Variants in TMC1 observed in about 807,000 individuals in gnomAD.
TMC1 encodes transmembrane channel-like protein 1.
A neutral mutation model predicts 105.8 loss-of-function variants in TMC1; 84 were observed. That is an observed-to-expected ratio of 0.79 (90% CI 0.67 to 0.95). The LOEUF (loss-of-function observed/expected upper bound fraction) is 0.95. Ranked by LOEUF, TMC1 falls within the 40% of genes least tolerant of loss-of-function variation. The pLI, the probability that TMC1 is intolerant of heterozygous loss-of-function variation, is 0.00. For missense variants in TMC1, 817 were observed against 914.1 expected (o/e 0.89, Z 1.37); for synonymous variants, 315 against 311.5 (o/e 1.01, Z -0.12).
At chr9:72,722,839 C>T (rs1827051913) in intron 8 of TMC1, among the ~76,000 whole-genome samples, 1 of 152,132 alleles carries the variant, frequency 6.6e-6, no homozygotes, top group Admixed American at 6.5e-5. Context: ...GGTGTAAATA[C>T]TTCCACTATA....
In TMC1 at chr9:72,821,502, C is replaced by CAAAAA. The variant is rs35069464; in HGVS notation, c.2003+432_2003+436dup. Among the ~76,000 whole-genome samples the CAAAAA allele has an allele frequency of 1.2e-3, 131 of 105,498 alleles. 1 individual carries two copies. The highest frequency in any genetic ancestry group is 3.6e-3 in the African/African-American group (104 of 28,530). 69.2% of individuals were successfully genotyped at this position (105,498 alleles called of 152,430 possible). ...GGAGGACAAGAGCAAAACTCTGTCTCAAAAAAAAAAAAAAAGAAAGAAATG... is the reference window on the plus strand; with the variant it reads ...GGAGGACAAGAGCAAAACTCTGTCTCAAAAAAAAAAAAAAAAAAAAGAAAGAAATG... On this transcript the variant is annotated intron_variant, in intron 20 of 23. Transcript: ENST00000297784.
intron 1 of TMC1, among the ~76,000 whole-genome samples, chr9:72,526,232 TTAAAA>T (rs1163768534): frequency 6.7e-6 from 1 of 148,922 alleles, no homozygotes; most frequent in Non-Finnish European, 1.5e-5. Flanking sequence ...ACTTTAGCAC[TTAAAA>T]TAACATACTC....
chr9:72,571,656 C>G (rs1429409028), intron 1 of TMC1, among the ~76,000 whole-genome samples: 2 of 151,834 alleles, frequency 1.3e-5, no homozygotes, highest in East Asian at 3.9e-4. Context: ...CCATGTTGGC[C>G]AGGCTGGTCT....
At chr9:72,623,509 C>G (rs991275580) in intron 3 of TMC1, among the ~76,000 whole-genome samples, 2 of 152,094 alleles carry the variant, frequency 1.3e-5, no homozygotes, top group Admixed American at 6.6e-5. Flanking sequence ...AAATGTCACT[C>G]TACTCCAAGA....
chr9:72,590,263 G>A (rs1439572261), intron 2 of TMC1, among the ~76,000 whole-genome samples: 2 of 152,136 alleles, frequency 1.3e-5, no homozygotes, highest in African/African-American at 2.4e-5. Flanking sequence ...TTTATACTCT[G>A]ACAGCCATAA....
chr9:72,641,726 A>T lies in TMC1; in HGVS notation c.-52-6871A>T, dbSNP rs143036601. 3.0e-3 allele frequency among the ~76,000 whole-genome samples: 451 copies of T among 151,958 alleles called. 3 individuals are homozygous for T. Among genetic ancestry groups the T allele is most frequent in the African/African-American group, 0.01 (431 of 41,442 alleles). On this transcript the variant is annotated intron_variant, in intron 4 of 23. Transcript: ENST00000297784. ...TCCTTCGTTTTCTTTCCAGACAACA[A>T]TTATGGACAACTTATTATTAATATA... is the stretch of plus-strand genomic sequence containing the variant.
Position 72,751,876 on chromosome 9 carries a change from T to C in TMC1, c.562T>C (p.Tyr188His). 1 of 1,613,364 alleles carries C rather than the reference T, an allele frequency of 6.2e-7. No homozygotes were observed. Among genetic ancestry groups the C allele is most frequent in the Middle Eastern group, 1.7e-4 (1 of 6,056 alleles). Reference sequence around the variant, plus strand: ...TCAGTTTGGCTCCTCAGTGGCCTCATACTTCCTCTTCTTGAGATGGATGTA... The same window carrying C: ...TCAGTTTGGCTCCTCAGTGGCCTCACACTTCCTCTTCTTGAGATGGATGTA... ...ESQFGSSVAS[Y>H]FLFLRWMYGV... is the part of the protein sequence containing the mutation. The change falls in exon 11 of 24, where the codon TAC (tyrosine) becomes CAC (histidine). Residue 188 changes from tyrosine (Y) to histidine (H), a missense_variant. Physicochemically the swap from Tyr to His is moderately conservative, Grantham distance 83. Transcript: ENST00000297784.
At chr9:72,533,297 G>A (rs1201260968) in intron 1 of TMC1, among the ~76,000 whole-genome samples, 2 of 152,182 alleles carry the variant, frequency 1.3e-5, no homozygotes, top group Admixed American at 1.3e-4. Context: ...TGCGATCCCT[G>A]GCTCTAGAAG....
At chr9:72,626,125 G>C (rs533062835) in intron 3 of TMC1, among the ~76,000 whole-genome samples, 1 of 152,270 alleles carries the variant, frequency 6.6e-6, no homozygotes, top group East Asian at 1.9e-4. Context: ...ACAGATGTTC[G>C]AATGAAGGAG....
At chr9:72,808,666 A>G (rs1244774521) in intron 18 of TMC1, among the ~76,000 whole-genome samples, 1 of 152,212 alleles carries the variant, frequency 6.6e-6, no homozygotes, top group African/African-American at 2.4e-5. Context: ...TCAAGGCAGC[A>G]CTGTCTATTG....
Position 72,686,329 on chromosome 9 carries a change from G to C in TMC1, c.17-2380G>C, listed in dbSNP as rs531223097. On this transcript the variant is annotated intron_variant, in intron 5 of 23. Transcript: ENST00000297784. ...AATAAGGTACTAGGGACTGCTGAGAGAAGGAATGGCAACATGCCATCTCAG... is the reference window on the plus strand; with the variant it reads ...AATAAGGTACTAGGGACTGCTGAGACAAGGAATGGCAACATGCCATCTCAG... 3.3e-5 allele frequency among the ~76,000 whole-genome samples: 5 copies of C among 152,320 alleles called. No homozygotes were observed. The East Asian group carries it at 7.7e-4, about 24-fold the overall frequency.
chr9:72,602,259 T>G (rs1824829012), intron 2 of TMC1, among the ~76,000 whole-genome samples: 1 of 152,010 alleles, frequency 6.6e-6, no homozygotes, highest in Non-Finnish European at 1.5e-5. Context: ...GCCTGAGACT[T>G]GAGAAAGTAA....
At chr9:72,733,497 T>G (rs1431878586) in intron 8 of TMC1, among the ~76,000 whole-genome samples, 1 of 152,168 alleles carries the variant, frequency 6.6e-6, no homozygotes, top group Non-Finnish European at 1.5e-5. Flanking sequence ...CTTAACTTTG[T>G]AGTTTGGAGA....
chr9:72,534,741 C>A (rs1284619808), intron 1 of TMC1, among the ~76,000 whole-genome samples: 1 of 151,998 alleles, frequency 6.6e-6, no homozygotes, highest in South Asian at 2.1e-4. Flanking sequence ...ACTGAAATCA[C>A]AAGATTATAA....
intron 5 of TMC1, among the ~76,000 whole-genome samples, chr9:72,661,387 ATCTAAACTGTT>A (rs1358493089): frequency 6.6e-6 from 1 of 152,208 alleles, no homozygotes; most frequent in Non-Finnish European, 1.5e-5. Flanking sequence ...TTAAGTCCAC[ATCTAAACTGTT>A]TGCCTGCATG....
intron 1 of TMC1, among the ~76,000 whole-genome samples, chr9:72,544,938 C>G (rs978262021): frequency 3.9e-5 from 6 of 151,900 alleles, no homozygotes; most frequent in Admixed American, 1.3e-4. Context: ...TCCTTCACCC[C>G]CCCAAGTCTT....
At chr9:72,812,202 G>C (rs1278498719) in intron 18 of TMC1, among the ~76,000 whole-genome samples, 4 of 152,184 alleles carry the variant, frequency 2.6e-5, no homozygotes, top group Admixed American at 2.6e-4. Flanking sequence ...GCTTAGGCAG[G>C]CTACCTGTGG....
intron 1 of TMC1, among the ~76,000 whole-genome samples, chr9:72,524,918 G>A (rs1175891180): frequency 1.3e-5 from 2 of 152,126 alleles, no homozygotes; most frequent in South Asian, 2.1e-4. Flanking sequence ...ACTAATTAGC[G>A]TCGTTACCGG....
intron 2 of TMC1, among the ~76,000 whole-genome samples, chr9:72,580,457 T>C (rs1038812299): frequency 1.3e-5 from 2 of 152,198 alleles, no homozygotes; most frequent in Admixed American, 1.3e-4. Flanking sequence ...CTTTGGGTTT[T>C]GCACTGTCTT....
Sources: gnomAD v4.1 joint callset for allele counts (sites outside exome capture counted in the v4.1 genomes callset) on GRCh38, gnomAD v4.1.1 for gene constraint, MANE v1.5 for transcripts, NCBI Gene and HGNC (gene_info 2026-07-23, HGNC 2026-07-21) for gene names.